Variants in C5orf47 observed in about 807,000 individuals in gnomAD.
C5orf47 encodes uncharacterized protein C5orf47.
In C5orf47, 20 loss-of-function variants were observed where a neutral mutation model predicts 20.6. The observed-to-expected ratio is 0.97, with a 90% CI of 0.68 to 1.41. C5orf47 has a LOEUF of 1.41. C5orf47 is among the 40% of genes most tolerant of loss of function. C5orf47 has a pLI of 0.00. For missense variants in C5orf47, 262 were observed against 238.4 expected (o/e 1.10, Z -0.65); for synonymous variants, 106 against 97.3 (o/e 1.09, Z -0.53).
chr5:174,000,099 T>C (rs894858845), intron 3 of C5orf47, among the ~76,000 whole-genome samples: 3 of 152,064 alleles, frequency 2.0e-5, no homozygotes, highest in African/African-American at 7.2e-5. Flanking sequence ...TTAATGCCAA[T>C]TAAAAAATAC....
rs1759256840 is a variant in C5orf47, at chr5:174,004,730, C to G, written c.*476C>G. The G allele has an allele frequency of 6.6e-6, 1 of 152,080 alleles. No individual in the cohort carries two copies. The highest frequency in any genetic ancestry group is 2.4e-5 in the African/African-American group (1 of 41,336). 9.4% of individuals were successfully genotyped at this position (152,080 alleles called of 1,614,324 possible). ...TTCTCAATTATTTTATGGAAAAAAC[C>G]TTAGAATTTACATAGCAACGATTAT... On this transcript the variant is annotated 3_prime_UTR_variant, in exon 5 of 5. Coordinates refer to ENST00000340147, the MANE Select transcript of C5orf47 (RefSeq NM_001144954.2).
intron 1 of C5orf47, among the ~76,000 whole-genome samples, chr5:173,997,533 C>T (rs957509385): frequency 1.5e-4 from 23 of 152,174 alleles, no homozygotes; most frequent in African/African-American, 5.5e-4. Flanking sequence ...CCATTGCCCT[C>T]CAGGAGGTCA....
Position 173,998,180 on chromosome 5 carries a change from A to G in C5orf47, c.353A>G (p.Lys118Arg), listed in dbSNP as rs1182089252. The G allele has an allele frequency of 1.3e-6, 2 of 1,543,746 alleles. No individual in the cohort carries two copies. Among genetic ancestry groups the G allele is most frequent in the Non-Finnish European group, 1.8e-6 (2 of 1,142,436 alleles). The change falls in exon 2 of 5, where the codon AAG (lysine) becomes AGG (arginine). Residue 118 changes from lysine (K) to arginine (R), a missense_variant. Coordinates refer to ENST00000340147, the MANE Select transcript of C5orf47 (RefSeq NM_001144954.2). Reference sequence around the variant, plus strand: ...TTAATCCAGAAGGATGCAGCTAAAAAGTATGATTTTCCCATACCATTGAAT... The same window carrying G: ...TTAATCCAGAAGGATGCAGCTAAAAGGTATGATTTTCCCATACCATTGAAT... ...AGLIQKDAAK[K>R]YDFPIPLNEA...
chr5:174,000,375 T>C (rs1381883728), intron 3 of C5orf47, among the ~76,000 whole-genome samples: 1 of 152,184 alleles, frequency 6.6e-6, no homozygotes, highest in Non-Finnish European at 1.5e-5. Context: ...GGTGTGTTTA[T>C]CAAAATAATT....
Position 173,989,381 on chromosome 5 carries a change from C to T in C5orf47, c.118C>T (p.Leu40Phe). ...LQLGGRGAQG[L>F]WGQGPGAGCR... ...ACTGGGCGGCCGTGGAGCTCAAGGCCTTTGGGGTCAGGGGCCTGGGGCAGG... is the reference window on the plus strand; with the variant it reads ...ACTGGGCGGCCGTGGAGCTCAAGGCTTTTGGGGTCAGGGGCCTGGGGCAGG... Residue 40 changes from leucine (L) to phenylalanine (F), a missense_variant, in exon 1 of 5, where the codon CTT (leucine) becomes TTT (phenylalanine). Coordinates refer to ENST00000340147, the MANE Select transcript of C5orf47 (RefSeq NM_001144954.2). 6.5e-7 allele frequency: 1 copy of T among 1,537,148 alleles called. No homozygotes were observed. Among genetic ancestry groups the T allele is most frequent in the East Asian group, 2.5e-5 (1 of 40,420 alleles).
intron 1 of C5orf47, among the ~76,000 whole-genome samples, chr5:173,990,240 G>A (rs9654463): frequency 7.0e-6 from 1 of 142,338 alleles, no homozygotes; most frequent in Non-Finnish European, 1.5e-5. Flanking sequence ...AGCCTCCCGA[G>A]TAGCTGGGAC....
In C5orf47 at chr5:174,004,540, A is replaced by G. The variant is rs919806049; in HGVS notation, c.*286A>G. 10 of 152,300 alleles carry G rather than the reference A, an allele frequency of 6.6e-5. No homozygotes were observed. The highest frequency in any genetic ancestry group is 1.5e-4 in the Non-Finnish European group (10 of 68,018). The allele number at this position is 152,300 out of a possible 1,614,324, so 9.4% of individuals were successfully genotyped here. ...ACATACTTTTAAATTAACCTCATAC[A>G]TAAAATTAAATTAGCATATCAATGC... On this transcript the variant is annotated 3_prime_UTR_variant, in exon 5 of 5. Coordinates refer to ENST00000340147, the MANE Select transcript of C5orf47 (RefSeq NM_001144954.2).
At chr5:174,001,259 G>A (rs746052228) in intron 4 of C5orf47, 28 bp downstream of exon 4, 65 of 1,242,458 alleles carry the variant, frequency 5.2e-5, no homozygotes, top group Non-Finnish European at 6.9e-5. Context: ...TAATAATTAT[G>A]GAATATAGAT....
At chr5:174,002,077 C>A (rs142088559) in intron 4 of C5orf47, among the ~76,000 whole-genome samples, 2 of 151,812 alleles carry the variant, frequency 1.3e-5, no homozygotes, top group Middle Eastern at 3.4e-3. Context: ...CTTCAGCATT[C>A]CCTCCCAAGT....
At chr5:173,990,727 C>A (rs1255538381) in intron 1 of C5orf47, among the ~76,000 whole-genome samples, 1 of 152,166 alleles carries the variant, frequency 6.6e-6, no homozygotes, top group Non-Finnish European at 1.5e-5. Flanking sequence ...CGTGAGCCAC[C>A]GCGCCAGGCC....
chr5:174,006,977 C>T (rs985254414), downstream of C5orf47, among the ~76,000 whole-genome samples: 1 of 152,144 alleles, frequency 6.6e-6, no homozygotes, highest in African/African-American at 2.4e-5. Context: ...GTGTGTTTCT[C>T]CAAGACAGGC....
downstream of C5orf47, among the ~76,000 whole-genome samples, chr5:174,008,945 G>A (rs1759332917): frequency 6.6e-6 from 1 of 151,980 alleles, no homozygotes; most frequent in Non-Finnish European, 1.5e-5. Context: ...TTATAAATAG[G>A]ATTCTATCAG....
At chr5:173,991,562 T>C (rs1758998408) in intron 1 of C5orf47, among the ~76,000 whole-genome samples, 1 of 151,930 alleles carries the variant, frequency 6.6e-6, no homozygotes, top group South Asian at 2.1e-4. Context: ...GTTTCTCAGG[T>C]CTATGGAGAT....
At chr5:174,002,891 A>G (rs1446429083) in intron 4 of C5orf47, among the ~76,000 whole-genome samples, 1 of 152,054 alleles carries the variant, frequency 6.6e-6, no homozygotes, top group Non-Finnish European at 1.5e-5. Context: ...TTTGATACTG[A>G]TATTTTTGAA....
At chr5:173,999,875 A>T (rs751848896) in intron 3 of C5orf47, 76 bp downstream of exon 3, 4 of 715,434 alleles carry the variant, frequency 5.6e-6, no homozygotes, top group Admixed American at 2.9e-5. Context: ...ATTGCATGAG[A>T]TCAGTAGTTT....
chr5:173,999,861 T>C (rs2113370351), intron 3 of C5orf47, 62 bp downstream of exon 3: 1 of 806,122 alleles, frequency 1.2e-6, no homozygotes, highest in East Asian at 2.7e-5. Context: ...TTAGTTATCC[T>C]GGGATTGCAT....
chr5:173,998,054 A>G (rs1328281453), intron 1 of C5orf47, 99 bp from the exon 2 acceptor site: 1 of 699,932 alleles, frequency 1.4e-6, no homozygotes, highest in African/African-American at 1.9e-5. Flanking sequence ...CAAGTATAAA[A>G]ATCCCCAAGG....
At chr5:174,004,019 G>T (rs780854341) in intron 4 of C5orf47, among the ~76,000 whole-genome samples, 1 of 152,170 alleles carries the variant, frequency 6.6e-6, no homozygotes, top group Non-Finnish European at 1.5e-5. Flanking sequence ...CACATTTCTT[G>T]CAAATGGGAC....
intron 1 of C5orf47, 33 bp downstream of exon 1, chr5:173,989,621 G>A (rs1241013215): frequency 2.2e-6 from 3 of 1,383,246 alleles, no homozygotes; most frequent in East Asian, 2.9e-5. Context: ...GACCGGGCGC[G>A]GCGGGGCGGG....
Sources: gnomAD v4.1 joint callset for allele counts (sites outside exome capture counted in the v4.1 genomes callset) on GRCh38, gnomAD v4.1.1 for gene constraint, MANE v1.5 for transcripts, NCBI Gene and HGNC (gene_info 2026-07-23, HGNC 2026-07-21) for gene names.